The following DCP1B variants were observed in gnomAD, a reference collection of about 807,000 sequenced individuals.
The protein encoded by DCP1B is mRNA-decapping enzyme 1B.
Under a neutral mutation model 60.5 loss-of-function variants are expected in DCP1B, and 47 were observed. The ratio of observed to expected loss-of-function variants is 0.78; its 90% CI spans 0.61 to 0.99. The LOEUF is 0.99. Ranked by LOEUF, DCP1B falls within the 50% of genes least tolerant of loss-of-function variation. The pLI, the probability that DCP1B is intolerant of heterozygous loss-of-function variation, is 0.00. For synonymous variants in DCP1B, 267 were observed against 280.3 expected (o/e 0.95, Z 0.47); for missense variants, 725 against 756.8 (o/e 0.96, Z 0.49).
At chr12:1,951,800 A>G (rs372198556) in intron 7 of DCP1B, among the ~76,000 whole-genome samples, 2 of 152,232 alleles carry the variant, frequency 1.3e-5, no homozygotes, top group Non-Finnish European at 2.9e-5. Context: ...TATTTACTAA[A>G]TAAGTGAATA....
At position 2,004,437 on chromosome 12, in the gene DCP1B, C is replaced by T; in HGVS notation, c.-6G>A. 2 of 1,606,486 alleles carry T rather than the reference C, an allele frequency of 1.2e-6. No homozygotes were observed. Among genetic ancestry groups the T allele is most frequent in the Non-Finnish European group, 1.7e-6 (2 of 1,176,942 alleles). On this transcript the variant is annotated 5_prime_UTR_variant, in exon 1 of 9. Coordinates refer to ENST00000280665, the MANE Select transcript of DCP1B (RefSeq NM_152640.5). ...CCTGCCGCCACGGCTGCCATCTTCCCTCCCTCCCAGACATAGGCACGGGGC... is the reference window on the plus strand; with the variant it reads ...CCTGCCGCCACGGCTGCCATCTTCCTTCCCTCCCAGACATAGGCACGGGGC...
In DCP1B at chr12:1,952,816, G is replaced by A. The variant is rs1044950; in HGVS notation, c.1124C>T (p.Ala375Val). The A allele has an allele frequency of 0.035, 56,883 of 1,614,188 alleles. 1,194 individuals carry two copies. The highest frequency in any genetic ancestry group is 0.074 in the Middle Eastern group (451 of 6,062). ...AANKCDPSTPAPASSAALNRS... is the reference protein window; with the variant it reads ...AANKCDPSTPVPASSAALNRS... ...GTTCAGGGCAGCTGAGCTGGCAGGT[G>A]CTGGTGTACTAGGGTCACACTTGTT... is the stretch of plus-strand genomic sequence containing the variant. Residue 375 changes from alanine (A) to valine (V), a missense_variant, in exon 7 of 9, where the codon GCA becomes GTA. Transcript: ENST00000280665.
At chr12:2,001,699 T>C (rs1165161224) in intron 1 of DCP1B, among the ~76,000 whole-genome samples, 2 of 152,230 alleles carry the variant, frequency 1.3e-5, no homozygotes, top group Admixed American at 6.5e-5. Context: ...GGTTTTAGTT[T>C]GGCATTTTTC....
At chr12:1,966,898 A>C (rs2031314395) in intron 4 of DCP1B, among the ~76,000 whole-genome samples, 1 of 152,166 alleles carries the variant, frequency 6.6e-6, no homozygotes, top group Non-Finnish European at 1.5e-5. Context: ...CTTTCTAGTC[A>C]TTTCATTGCC....
rs146399942 is a variant in DCP1B at position 1,952,964 on chromosome 12, C to A, written c.976G>T (p.Glu326Ter). 5.8e-5 allele frequency: 93 copies of A among 1,614,020 alleles called. No homozygotes were observed. The highest frequency in any genetic ancestry group is 7.4e-5 in the Non-Finnish European group (87 of 1,180,002). The change falls in exon 7 of 9, where the codon GAA becomes TAA. Residue 326 changes from glutamate (E) to a stop codon, truncating the protein, a stop_gained. Transcript: ENST00000280665. LOFTEE classifies it high-confidence loss of function. ...CENGSTHSAG[E>*]FFTGPVQPGS... is the part of the protein sequence containing the mutation. ...GGCTGGACAGGTCCTGTAAAAAATT[C>A]TCCCGCAGAATGGGTACTGCCATTT...
At position 1,952,444 on chromosome 12, in the gene DCP1B, T is replaced by C; in HGVS notation, c.1496A>G (p.Asn499Ser). The C allele has an allele frequency of 6.2e-7, 1 of 1,607,334 alleles. No homozygotes were observed. Among genetic ancestry groups the C allele is most frequent in the South Asian group, 1.1e-5 (1 of 90,522 alleles). Residue 499 changes from asparagine to serine, a missense_variant, in exon 7 of 9, where the codon AAC becomes AGC. Transcript: ENST00000280665. The stretch of plus-strand genomic sequence containing the variant: ...GAAAAGAGGAGTCTGCTGTTCTGTG[T>C]TGGGTGTCTTGTTGATCCAGGATTC... ...PLESWINKTPNTEQQTPLFQV... is the reference protein window; with the variant it reads ...PLESWINKTPSTEQQTPLFQV...
rs188471060 is a variant in DCP1B at position 1,948,727 on chromosome 12, C to T, written c.1773+359G>A. On this transcript the variant is annotated intron_variant, in intron 8 of 8. Transcript: ENST00000280665. The surrounding 1 kb of genome is among the most constrained non-coding windows in gnomAD (Gnocchi z 4.8). ...GGCCCCTTGCCCAGGACTGCTCCCA[C>T]CTCTACCTCCCAATGGTGAGTTTTC... is the stretch of plus-strand genomic sequence containing the variant. Among the ~76,000 whole-genome samples the T allele has an allele frequency of 0.012, 1,809 of 152,320 alleles. 26 individuals are homozygous for T. The highest frequency in any genetic ancestry group is 0.017 in the Non-Finnish European group (1,134 of 68,020).
rs562426049 is a variant in DCP1B at position 2,004,331 on chromosome 12, A to G, written c.101T>C (p.Val34Ala). ...GGTGTACAGAGCCACCTGGCTGGCC[A>G]CGTCCACGATGCGGTTGATATAGGG... ...HDPYINRIVD[V>A]ASQVALYTFG... The change falls in exon 1 of 9, where the codon GTG becomes GCG. Residue 34 changes from valine (V) to alanine (A), a missense_variant. Transcript: ENST00000280665. The G allele has an allele frequency of 3.7e-6, 6 of 1,613,404 alleles. No homozygotes were observed. In the African/African-American group the frequency reaches 4.0e-5, roughly 11 times the overall value.
chr12:1,961,705 T>C (rs1834583621), intron 5 of DCP1B, among the ~76,000 whole-genome samples: 1 of 152,182 alleles, frequency 6.6e-6, no homozygotes, highest in Admixed American at 6.5e-5. Context: ...TTAATTTGAC[T>C]GAAGAGACCT....
At chr12:1,979,354 G>A (rs1200400474) in intron 3 of DCP1B, among the ~76,000 whole-genome samples, 2 of 150,222 alleles carry the variant, frequency 1.3e-5, no homozygotes, top group Non-Finnish European at 3.0e-5. Context: ...TGGCTTCATC[G>A]CCCAGGCTGG....
chr12:1,978,882 T>C (rs1323766517), intron 3 of DCP1B, among the ~76,000 whole-genome samples: 1 of 152,264 alleles, frequency 6.6e-6, no homozygotes, highest in African/African-American at 2.4e-5. Flanking sequence ...TTTCTTCTTA[T>C]CGCTGAGTAG....
At chr12:1,965,723 A>G (rs745435659) in intron 4 of DCP1B, 30 bp from the exon 5 acceptor site, 17 of 1,590,666 alleles carry the variant, frequency 1.1e-5, no homozygotes, top group Non-Finnish European at 1.5e-5. Context: ...AATCCACACA[A>G]GAAAAGCCAA....
chr12:2,002,726 T>A (rs1226176552), intron 1 of DCP1B, among the ~76,000 whole-genome samples: 1 of 152,208 alleles, frequency 6.6e-6, no homozygotes, highest in Admixed American at 6.5e-5. Flanking sequence ...GGTCCTCATC[T>A]CTCTACTACG....
Position 1,980,559 on chromosome 12 carries a change from GA to G in DCP1B, c.320-12650del, listed in dbSNP as rs557454237. On this transcript the variant is annotated intron_variant, in intron 3 of 8. Coordinates refer to ENST00000280665, the MANE Select transcript of DCP1B (RefSeq NM_152640.5). ...TTTCATTATCCCAAAGGTATCTTAAGAACAGAAGTTTTTAATTTGATGAAAT... is the reference window on the plus strand; with the variant it reads ...TTTCATTATCCCAAAGGTATCTTAAGACAGAAGTTTTTAATTTGATGAAAT... Among the ~76,000 whole-genome samples, 560 of 151,708 alleles carry G rather than the reference GA, an allele frequency of 3.7e-3. 4 individuals carry two copies. The highest frequency in any genetic ancestry group is 0.013 in the African/African-American group (530 of 41,390).
chr12:1,969,985 T>C (rs913213548), intron 3 of DCP1B, among the ~76,000 whole-genome samples: 1 of 152,184 alleles, frequency 6.6e-6, no homozygotes, highest in African/African-American at 2.4e-5. Flanking sequence ...CGAGGCCCAA[T>C]GGCAGAGGAA....
At chr12:1,947,556 T>G (rs1332941788) in intron 8 of DCP1B, among the ~76,000 whole-genome samples, 2 of 152,174 alleles carry the variant, frequency 1.3e-5, no homozygotes, top group Non-Finnish European at 2.9e-5. Flanking sequence ...CAGCCACTAC[T>G]CTGGAGTAGA....
intron 1 of DCP1B, among the ~76,000 whole-genome samples, chr12:2,003,104 C>T (rs1382993401): frequency 6.6e-6 from 1 of 152,178 alleles, no homozygotes; most frequent in African/African-American, 2.4e-5. Flanking sequence ...AAATTTCCTC[C>T]GTTAAGAACT....
In DCP1B at chr12:1,993,362, A is replaced by G. The variant is rs1237743865; in HGVS notation, c.221T>C (p.Ile74Thr). The change falls in exon 3 of 9, where the codon ATT (isoleucine) becomes ACT (threonine). Residue 74 changes from isoleucine to threonine, a missense_variant. Physicochemically the swap from Ile to Thr is moderately conservative, Grantham distance 89. Coordinates refer to ENST00000280665, the MANE Select transcript of DCP1B (RefSeq NM_152640.5). ...RSASPKHGFT[I>T]MNRLSMENRT... ...ATTTTCCATGCTCAGCCTATTCATAATGGTGAATCCATGCTTTGGAGAAGC... is the reference window on the plus strand; with the variant it reads ...ATTTTCCATGCTCAGCCTATTCATAGTGGTGAATCCATGCTTTGGAGAAGC... 1 of 1,613,596 alleles carries G rather than the reference A, an allele frequency of 6.2e-7. No homozygotes were observed. Among genetic ancestry groups the G allele is most frequent in the Non-Finnish European group, 8.5e-7 (1 of 1,179,578 alleles).
At chr12:1,965,760 T>A in intron 4 of DCP1B, 67 bp from the exon 5 acceptor site, 1 of 1,505,434 alleles carries the variant, frequency 6.6e-7, no homozygotes, top group Non-Finnish European at 8.9e-7. Flanking sequence ...TTTAAAACCA[T>A]CCCAATTCTC....
Sources: gnomAD v4.1 joint callset for allele counts (sites outside exome capture counted in the v4.1 genomes callset) on GRCh38, gnomAD v4.1.1 for gene constraint, Gnocchi (gnomAD v3.1) non-coding constraint, MANE v1.5 for transcripts, NCBI Gene and HGNC (gene_info 2026-07-23, HGNC 2026-07-21) for gene names.